The following PARD3B variants were observed in gnomAD, a reference collection of about 807,000 sequenced individuals.
PARD3B encodes par-3 family cell polarity regulator beta, also known as partitioning defective 3 homolog B.
PARD3B carries 103 observed loss-of-function variants against 130.2 expected under a neutral mutation model. The observed-to-expected ratio is 0.79, with a 90% CI of 0.67 to 0.93. PARD3B has a LOEUF of 0.93. PARD3B is among the 40% of genes least tolerant of loss of function. PARD3B has a pLI of 0.00. For missense variants in PARD3B, 1,609 were observed against 1,499.2 expected (o/e 1.07, Z -1.21); for synonymous variants, 583 against 553.2 (o/e 1.05, Z -0.76).
intron 2 of PARD3B, among the ~76,000 whole-genome samples, chr2:204,758,679 G>T (rs1206852215): frequency 6.6e-6 from 1 of 152,142 alleles, no homozygotes; most frequent in African/African-American, 2.4e-5. Context: ...CAGCACTGTT[G>T]TTTCTGAGAT....
intron 18 of PARD3B, among the ~76,000 whole-genome samples, chr2:205,363,832 C>CTTTT (rs59271830): frequency 1.0e-5 from 1 of 97,166 alleles, no homozygotes; most frequent in Non-Finnish European, 1.8e-5. Context: ...GCCTGACTGA[C>CTTTT]TTTTTTTTTT....
At chr2:204,986,784 A>G (rs1044307351) in intron 3 of PARD3B, among the ~76,000 whole-genome samples, 2 of 152,316 alleles carry the variant, frequency 1.3e-5, no homozygotes, top group African/African-American at 2.4e-5. Flanking sequence ...GATGGACAGC[A>G]TTCTTCCATC....
At chr2:205,171,416 C>T (rs1315560466) in intron 11 of PARD3B, among the ~76,000 whole-genome samples, 1 of 152,134 alleles carries the variant, frequency 6.6e-6, no homozygotes, top group East Asian at 1.9e-4. Context: ...GGACTTCTGG[C>T]TGGAGATGGT....
At chr2:204,868,557 A>G (rs1021351570) in intron 2 of PARD3B, among the ~76,000 whole-genome samples, 2 of 152,162 alleles carry the variant, frequency 1.3e-5, no homozygotes, top group African/African-American at 4.8e-5. Flanking sequence ...AGTATTTCAG[A>G]TGAGGAAGAC....
intron 2 of PARD3B, among the ~76,000 whole-genome samples, chr2:204,766,032 T>C (rs2041129420): frequency 6.6e-6 from 1 of 152,208 alleles, no homozygotes; most frequent in African/African-American, 2.4e-5. Flanking sequence ...AATGCTAGCT[T>C]ATTTGTGATT....
At chr2:205,038,011 G>A (rs1449901330) in intron 3 of PARD3B, among the ~76,000 whole-genome samples, 1 of 152,066 alleles carries the variant, frequency 6.6e-6, no homozygotes, top group Non-Finnish European at 1.5e-5. Flanking sequence ...ATAATTATTG[G>A]GAGTAGACCT....
chr2:204,983,642 A>T (rs1692877627), intron 3 of PARD3B, among the ~76,000 whole-genome samples: 2 of 152,022 alleles, frequency 1.3e-5, no homozygotes, highest in Admixed American at 6.5e-5. Context: ...CAAAAAGATG[A>T]CTCTGACCTT....
chr2:205,564,625 C>T lies in PARD3B; in HGVS notation c.3260+11222C>T, dbSNP rs896315268. Reference sequence around the variant, plus strand: ...AAATGCCAGACAACTGCGGAAGCATCGCTTCTACTGACTCTGCTGCTTCAA... The same window carrying T: ...AAATGCCAGACAACTGCGGAAGCATTGCTTCTACTGACTCTGCTGCTTCAA... On this transcript the variant is annotated intron_variant, in intron 22 of 22. Transcript: ENST00000406610. This position sits in a 1 kb window ranked among gnomAD's most constrained non-coding sequence, Gnocchi z 4.6. 2.6e-5 allele frequency among the ~76,000 whole-genome samples: 4 copies of T among 152,152 alleles called. No homozygotes were observed. The highest frequency in any genetic ancestry group is 7.2e-5 in the African/African-American group (3 of 41,450).
In PARD3B at chr2:204,958,291, C is replaced by T. The variant is rs184783340; in HGVS notation, c.223-6861C>T. On this transcript the variant is annotated intron_variant, in intron 2 of 22. Coordinates refer to ENST00000406610, the MANE Select transcript of PARD3B (RefSeq NM_001302769.2). ...ACACCATGAATATTGAGAGACTCTG[C>T]AATAAATGTACTTCATGGCATTTAT... Among the ~76,000 whole-genome samples the T allele has an allele frequency of 2.4e-4, 37 of 152,312 alleles. No individual in the cohort carries two copies. The East Asian group carries it at 7.1e-3, about 29-fold the overall frequency.
At chr2:204,851,400 G>T (rs535339930) in intron 2 of PARD3B, among the ~76,000 whole-genome samples, 2 of 152,290 alleles carry the variant, frequency 1.3e-5, no homozygotes, top group African/African-American at 4.8e-5. Context: ...AATAGCAGAA[G>T]AATATTAGAA....
intron 21 of PARD3B, among the ~76,000 whole-genome samples, chr2:205,508,754 G>A (rs2050474409): frequency 6.6e-6 from 1 of 152,062 alleles, no homozygotes; most frequent in South Asian, 2.1e-4. Context: ...CTGAGGATTG[G>A]AAGCAATACC....
intron 10 of PARD3B, among the ~76,000 whole-genome samples, chr2:205,154,283 G>A (rs1257264123): frequency 2.0e-5 from 3 of 152,142 alleles, no homozygotes; most frequent in Non-Finnish European, 4.4e-5. Flanking sequence ...GTAGCCAACA[G>A]ACACATGAAA....
chr2:205,532,008 CG>C (rs1271474856), intron 21 of PARD3B, among the ~76,000 whole-genome samples: 1 of 152,014 alleles, frequency 6.6e-6, no homozygotes, highest in Non-Finnish European at 1.5e-5. Context: ...GCGTGAACAC[CG>C]CTATTAATCA....
chr2:205,019,133 A>G (rs1461765575), intron 3 of PARD3B, among the ~76,000 whole-genome samples: 1 of 152,022 alleles, frequency 6.6e-6, no homozygotes, highest in Admixed American at 6.6e-5. Flanking sequence ...ATACTCCCCA[A>G]TTTCCCTACT....
chr2:205,186,152 A>G (rs1446558304), intron 14 of PARD3B, among the ~76,000 whole-genome samples: 1 of 152,166 alleles, frequency 6.6e-6, no homozygotes, highest in Admixed American at 6.5e-5. Context: ...AGAGCCATGG[A>G]GCTCAAAGAA....
chr2:205,586,522 CTTGT>C (rs745810894), intron 22 of PARD3B, among the ~76,000 whole-genome samples: 9 of 152,088 alleles, frequency 5.9e-5, no homozygotes, highest in Non-Finnish European at 8.8e-5. Context: ...CTGACCTTTC[CTTGT>C]TTATTTTAGA....
chr2:205,479,869 T>C (rs1330221381), intron 20 of PARD3B, among the ~76,000 whole-genome samples: 1 of 151,662 alleles, frequency 6.6e-6, no homozygotes. Context: ...CTTTGTTCCA[T>C]GAGCATTAAG....
chr2:205,141,996 G>A (rs955504589), intron 10 of PARD3B, among the ~76,000 whole-genome samples: 7 of 152,146 alleles, frequency 4.6e-5, no homozygotes, highest in South Asian at 4.1e-4. Context: ...TAGGCATGGC[G>A]TTGGGATAAG....
Position 204,570,243 on chromosome 2 carries a change from G to T in PARD3B, c.120+24124G>T, listed in dbSNP as rs2031914747. Among the ~76,000 whole-genome samples, 5 of 152,162 alleles carry T rather than the reference G, an allele frequency of 3.3e-5. No homozygotes were observed. The South Asian group carries it at 1.0e-3, about 32-fold the overall frequency. ...GTGAGCCAAGTCTTGCTTCCAGTGA[G>T]TGTCTGGTTCATTCCTCACATAGGC... On this transcript the variant is annotated intron_variant, in intron 1 of 22. Coordinates refer to ENST00000406610, the MANE Select transcript of PARD3B (RefSeq NM_001302769.2).
Sources: gnomAD v4.1 joint callset for allele counts (sites outside exome capture counted in the v4.1 genomes callset) on GRCh38, gnomAD v4.1.1 for gene constraint, Gnocchi (gnomAD v3.1) non-coding constraint, MANE v1.5 for transcripts, NCBI Gene and HGNC (gene_info 2026-07-23, HGNC 2026-07-21) for gene names.